Variants in B4GALNT2 observed in about 807,000 individuals in gnomAD.
B4GALNT2 encodes the protein N-acetylneuraminylgalactosylglucosyl-glucoside beta-1,4-N- acetylgalactosaminyltransferase 2.
A neutral mutation model predicts 51.1 loss-of-function variants in B4GALNT2; 42 were observed. That is an observed-to-expected ratio of 0.82 (90% CI 0.64 to 1.06). B4GALNT2 has a LOEUF of 1.06. B4GALNT2 is among the 50% of genes least tolerant of loss of function. The pLI is 0.00. For missense variants in B4GALNT2, 602 were observed against 633.6 expected (o/e 0.95, Z 0.54); for synonymous variants, 253 against 251.7 (o/e 1.01, Z -0.05).
chr17:49,143,995 A>T (rs1421041797), intron 3 of B4GALNT2, among the ~76,000 whole-genome samples: 1 of 152,142 alleles, frequency 6.6e-6, no homozygotes, highest in Non-Finnish European at 1.5e-5. Flanking sequence ...TAAAAATATA[A>T]AAATTAGCCA....
intron 3 of B4GALNT2, among the ~76,000 whole-genome samples, chr17:49,150,465 T>C (rs1235721804): frequency 1.3e-5 from 2 of 152,004 alleles, no homozygotes; most frequent in South Asian, 4.2e-4. Context: ...ACAATGGCGG[T>C]TTTGTGGAAT....
chr17:49,153,538 G>T (rs1341892318), intron 4 of B4GALNT2, among the ~76,000 whole-genome samples: 2 of 150,516 alleles, frequency 1.3e-5, no homozygotes, highest in Non-Finnish European at 2.9e-5. Flanking sequence ...ACGGAGTCTT[G>T]CTCCATCTCT....
At chr17:49,160,374 C>A (rs1184979557) in intron 6 of B4GALNT2, among the ~76,000 whole-genome samples, 181 bp from the exon 7 acceptor site, 1 of 152,074 alleles carries the variant, frequency 6.6e-6, no homozygotes, top group Non-Finnish European at 1.5e-5. Context: ...AGCACGTTGC[C>A]CCAGGGACAC....
upstream of B4GALNT2, among the ~76,000 whole-genome samples, chr17:49,131,800 C>G (rs1272644252): frequency 6.6e-6 from 1 of 151,994 alleles, no homozygotes; most frequent in Non-Finnish European, 1.5e-5. Flanking sequence ...CATGAGACAC[C>G]GCACCCGGCC....
chr17:49,152,732 C>G (rs1166996529), intron 3 of B4GALNT2, 68 bp from the exon 4 acceptor site: 1 of 1,150,924 alleles, frequency 8.7e-7, no homozygotes, highest in East Asian at 2.6e-5. Flanking sequence ...TGCACAGGCA[C>G]CACTTTGAGA....
At chr17:49,159,323 T>C (rs2042840831) in intron 6 of B4GALNT2, 106 bp downstream of exon 6, 1 of 1,232,104 alleles carries the variant, frequency 8.1e-7, no homozygotes. Flanking sequence ...TTTTGTGTTT[T>C]GTGTGTGTTT....
At chr17:49,124,446 A>G in the B4GALNT2 span, among the ~76,000 whole-genome samples, 1 of 152,234 alleles carries the variant, frequency 6.6e-6, no homozygotes. Flanking sequence ...TAAAGTCACA[A>G]TTGACAAGGA....
intron 3 of B4GALNT2, chr17:49,148,615 TC>T: frequency 1.9e-6 from 1 of 519,764 alleles, no homozygotes; most frequent in Non-Finnish European, 3.7e-6. Flanking sequence ...TAGAAATGTC[TC>T]CAGGCAAACC....
intron 4 of B4GALNT2, among the ~76,000 whole-genome samples, chr17:49,154,029 G>A (rs548486592): frequency 1.3e-4 from 18 of 141,978 alleles, no homozygotes; most frequent in Non-Finnish European, 2.3e-4. Flanking sequence ...TTTTGGGGAC[G>A]GAGTCTTGCT....
At chr17:49,156,493 G>T in intron 4 of B4GALNT2, 73 bp from the exon 5 acceptor site, 1 of 1,524,316 alleles carries the variant, frequency 6.6e-7, no homozygotes, top group East Asian at 2.3e-5. Context: ...GAGTCCATGA[G>T]GTTGGCGAGA....
chr17:49,175,016 T>C lies in B4GALNT2; in HGVS notation c.*5288T>C, dbSNP rs1240950225. On this transcript the variant is annotated 3_prime_UTR_variant, in exon 11 of 11. Transcript: ENST00000393354. ...AATGTATAGGTACAGAAGTTATAAT[T>C]GGTTGAATAGTCCCATGTTGTCCAT... 6.6e-6 allele frequency: 1 copy of C among 152,178 alleles called. No homozygotes were observed. Among genetic ancestry groups the C allele is most frequent in the Non-Finnish European group, 1.5e-5 (1 of 68,030 alleles). The allele number at this position is 152,178 out of a possible 1,614,324, so 9.4% of individuals were successfully genotyped here. A position where few individuals can be genotyped will look rare whatever the true frequency, so the allele number is the denominator to read the frequency against.
At chr17:49,137,975 A>G (rs1272066945) in intron 1 of B4GALNT2, among the ~76,000 whole-genome samples, 1 of 152,228 alleles carries the variant, frequency 6.6e-6, no homozygotes, top group Admixed American at 6.5e-5. Context: ...CAAATGCAGT[A>G]GATATAAACA....
chr17:49,165,993 C>G, intron 8 of B4GALNT2, 121 bp from the exon 9 acceptor site: 1 of 1,184,448 alleles, frequency 8.4e-7, no homozygotes, highest in Non-Finnish European at 1.2e-6. Flanking sequence ...TCGCTCGCAC[C>G]AATTCTAATG....
At chr17:49,157,347 G>A (rs2042820393) in intron 5 of B4GALNT2, among the ~76,000 whole-genome samples, 1 of 137,684 alleles carries the variant, frequency 7.3e-6, no homozygotes, top group African/African-American at 2.7e-5. Context: ...TTGAGATGGA[G>A]TCTCACTCTG....
Position 49,168,879 on chromosome 17 carries a change from C to T in B4GALNT2, c.1294C>T (p.Leu432=). 1 of 1,612,686 alleles carries T rather than the reference C, an allele frequency of 6.2e-7. No homozygotes were observed. The highest frequency in any genetic ancestry group is 8.5e-7 in the Non-Finnish European group (1 of 1,179,964). The change falls in exon 10 of 11, where the codon CTG becomes TTG. Residue 432 remains leucine (L), a synonymous_variant. Transcript: ENST00000393354. The part of the protein sequence containing the change: ...RLQRVGFDPR[L]QRVAHSEFFI... ...CCAAAGAGTTGGCTTTGATCCCCGCCTGCAACGAGTGGCTCACTCAGGTGG... is the reference window on the plus strand; with the variant it reads ...CCAAAGAGTTGGCTTTGATCCCCGCTTGCAACGAGTGGCTCACTCAGGTGG...
rs775730663 is a variant in B4GALNT2 at position 49,166,128 on chromosome 17, T to C, written c.969T>C (p.Gly323=). ...TTCATCTACAGGGTTGGTTTGCTGG[T>C]AGGAACCTGGCCATATCTCAGGTCA... ...TMPFGKGWFA[G]RNLAISQVTT... is the part of the protein sequence containing the mutation. The change falls in exon 9 of 11, where the codon GGT becomes GGC. Residue 323 remains glycine (G), a synonymous_variant. Coordinates refer to ENST00000393354, the MANE Select transcript of B4GALNT2 (RefSeq NM_001159387.2). 2.5e-6 allele frequency: 4 copies of C among 1,613,968 alleles called. No homozygotes were observed. The African/African-American group carries it at 5.3e-5, about 22-fold the overall frequency.
At chr17:49,152,697 T>C in intron 3 of B4GALNT2, 103 bp from the exon 4 acceptor site, 2 of 779,914 alleles carry the variant, frequency 2.6e-6, no homozygotes, top group East Asian at 3.0e-5. Context: ...TTTTGATTTC[T>C]CCATATTGTC....
At chr17:49,165,935 T>C (rs1239405395) in intron 8 of B4GALNT2, among the ~76,000 whole-genome samples, 179 bp from the exon 9 acceptor site, 1 of 152,190 alleles carries the variant, frequency 6.6e-6, no homozygotes, top group Admixed American at 6.5e-5. Context: ...CTCTGAGACA[T>C]GGACTTCCTT....
rs867337414 is a variant in B4GALNT2, at chr17:49,150,732, G to C, written c.354-2068G>C. On this transcript the variant is annotated intron_variant, in intron 3 of 10. Coordinates refer to ENST00000393354, the MANE Select transcript of B4GALNT2 (RefSeq NM_001159387.2). ...ACAGATGCTTGACGGCAGCATGCTC[G>C]TTAAGAGTCATCACCACTCCCTAAT... Among the ~76,000 whole-genome samples the C allele has an allele frequency of 1.7e-3, 249 of 150,858 alleles. 5 individuals carry two copies. The highest frequency in any genetic ancestry group is 5.6e-3 in the African/African-American group (227 of 40,842).
Sources: gnomAD v4.1 joint callset for allele counts (sites outside exome capture counted in the v4.1 genomes callset) on GRCh38, gnomAD v4.1.1 for gene constraint, MANE v1.5 for transcripts, NCBI Gene and HGNC (gene_info 2026-07-23, HGNC 2026-07-21) for gene names.